TBC1D5: variants seen among roughly 807,000 people sequenced by gnomAD.
TBC1D5 encodes TBC1 domain family member 5, also known as TBC1 domain family, member 5.
TBC1D5 carries 75 observed loss-of-function variants against 100.3 expected under a neutral mutation model. The ratio of observed to expected loss-of-function variants is 0.75; its 90% confidence interval spans 0.62 to 0.91. The LOEUF (loss-of-function observed/expected upper bound fraction) is 0.91, where lower values mean the gene tolerates loss of function less well. Among genes scored for constraint, TBC1D5 ranks in the 40% least tolerant of loss-of-function variants. The pLI is 0.00. For synonymous variants in TBC1D5, 323 were observed against 325.6 expected, an observed-to-expected ratio of 0.99 and a Z score of 0.09; for missense variants, 910 against 942.4, an observed-to-expected ratio of 0.97 and a Z score of 0.45.
At chr3:17,443,587 T>C (rs754456640) in intron 3 of TBC1D5, among the ~76,000 whole-genome samples, 11 of 152,176 alleles carry the variant, frequency 7.2e-5, no homozygotes, top group Non-Finnish European at 1.6e-4. Context: ...TGTCCTCACT[T>C]TGGCTTACGT....
intron 1 of TBC1D5, among the ~76,000 whole-genome samples, chr3:17,727,729 G>T (rs781000254): frequency 7.9e-5 from 12 of 152,158 alleles, no homozygotes; most frequent in Non-Finnish European, 1.3e-4. Flanking sequence ...ACACAAATAG[G>T]TGAGTTATTT....
Position 17,483,096 on chromosome 3 carries a change from A to T in TBC1D5, c.97+25378T>A, listed in dbSNP as rs115388246. 1.6e-3 allele frequency among the ~76,000 whole-genome samples: 238 copies of T among 152,214 alleles called. 1 individual carries two copies. Among genetic ancestry groups the T allele is most frequent in the Non-Finnish European group, 2.4e-3 (163 of 68,006 alleles). On this transcript the variant is annotated intron_variant, in intron 3 of 21. Coordinates refer to ENST00000253692, the Ensembl canonical transcript of TBC1D5. ...TGGCAAAAAATTACCATGCATGTAA[A>T]TACTTCTTAGTGTTTCCATCGCTTG...
At chr3:17,527,010 T>C (rs1187826648) in intron 2 of TBC1D5, among the ~76,000 whole-genome samples, 2 of 152,204 alleles carry the variant, frequency 1.3e-5, no homozygotes, top group Non-Finnish European at 2.9e-5. Flanking sequence ...AATCCTCCCA[T>C]GTGCCAAAAG....
At chr3:17,468,993 A>G (rs1317767419) in intron 3 of TBC1D5, among the ~76,000 whole-genome samples, 2 of 152,318 alleles carry the variant, frequency 1.3e-5, no homozygotes, top group East Asian at 3.9e-4. Flanking sequence ...GAACCTGGAG[A>G]AGGGAATTAA....
intron 18 of TBC1D5, among the ~76,000 whole-genome samples, chr3:17,204,900 G>A (rs2733520): frequency 0.39 from 59,240 of 151,920 alleles, 12,251 homozygotes; most frequent in Middle Eastern, 0.5. Flanking sequence ...TACATGATTT[G>A]GGTGATGCAA....
At chr3:17,438,549 A>G (rs181321669) in intron 3 of TBC1D5, among the ~76,000 whole-genome samples, 83 of 152,280 alleles carry the variant, frequency 5.5e-4, no homozygotes, top group Middle Eastern at 6.8e-3. Context: ...CCATGTGAAG[A>G]AGGACATGTT....
At chr3:17,242,693 GGTTT>G (rs1204690486) in intron 16 of TBC1D5, among the ~76,000 whole-genome samples, 5 of 151,950 alleles carry the variant, frequency 3.3e-5, no homozygotes, top group African/African-American at 4.8e-5. Context: ...CAGATGGCTG[GGTTT>G]GTTTGAGTTT....
chr3:17,449,372 C>A (rs778779369), intron 3 of TBC1D5, among the ~76,000 whole-genome samples: 1 of 152,124 alleles, frequency 6.6e-6, no homozygotes, highest in Non-Finnish European at 1.5e-5. Flanking sequence ...ACCTGGAATG[C>A]CAGAGAGAGA....
intron 3 of TBC1D5, among the ~76,000 whole-genome samples, chr3:17,507,010 C>T (rs1032545090): frequency 3.9e-5 from 6 of 152,038 alleles, no homozygotes; most frequent in East Asian, 1.9e-4. Context: ...AACAAGACTC[C>T]GTCTCAAAAA....
chr3:17,207,626 T>C (rs1276053461), intron 18 of TBC1D5, among the ~76,000 whole-genome samples: 1 of 152,226 alleles, frequency 6.6e-6, no homozygotes, highest in Non-Finnish European at 1.5e-5. Flanking sequence ...TGATACTTCC[T>C]TTTTATCTAA....
chr3:17,461,343 T>C (rs1353456505), intron 3 of TBC1D5, among the ~76,000 whole-genome samples: 1 of 152,238 alleles, frequency 6.6e-6, no homozygotes, highest in Non-Finnish European at 1.5e-5. Flanking sequence ...TGTGTTCTTA[T>C]GTACATACTG....
intron 3 of TBC1D5, among the ~76,000 whole-genome samples, chr3:17,431,475 T>C (rs544237527): frequency 2.6e-5 from 4 of 152,118 alleles, no homozygotes; most frequent in East Asian, 1.9e-4. Context: ...TTATTGAGTA[T>C]ATTTTGAATA....
At chr3:17,342,747 A>G (rs2089203044) in intron 13 of TBC1D5, among the ~76,000 whole-genome samples, 1 of 152,208 alleles carries the variant, frequency 6.6e-6, no homozygotes, top group African/African-American at 2.4e-5. Flanking sequence ...TTTTATGCAC[A>G]TATAATATAT....
intron 2 of TBC1D5, among the ~76,000 whole-genome samples, chr3:17,607,056 G>A (rs536793057): frequency 2.0e-5 from 3 of 152,258 alleles, no homozygotes; most frequent in Middle Eastern, 6.8e-3. Flanking sequence ...ATTAAAATCA[G>A]TGATTTTCCA....
rs189704670 is a variant in TBC1D5 at position 17,671,655 on chromosome 3, A to C, written c.-100-47742T>G. Among the ~76,000 whole-genome samples the C allele has an allele frequency of 6.4e-4, 97 of 152,380 alleles. 1 individual carries two copies. Among genetic ancestry groups the C allele is most frequent in the African/African-American group, 2.3e-3 (94 of 41,600 alleles). Reference sequence around the variant, plus strand: ...ATTACAAACTCCTGTGAATTCAAAAATAGATGTGAAAATCAAAGAAATAAA... The same window carrying C: ...ATTACAAACTCCTGTGAATTCAAAACTAGATGTGAAAATCAAAGAAATAAA... On this transcript the variant is annotated intron_variant, in intron 1 of 21. Transcript: ENST00000253692.
chr3:17,655,586 T>G (rs1422423544), intron 1 of TBC1D5, among the ~76,000 whole-genome samples: 1 of 152,090 alleles, frequency 6.6e-6, no homozygotes, highest in Non-Finnish European at 1.5e-5. Flanking sequence ...ATCCTAATAA[T>G]GAGAAAACAA....
intron 2 of TBC1D5, among the ~76,000 whole-genome samples, chr3:17,602,884 ATTT>A (rs1212565426): frequency 6.6e-6 from 1 of 151,938 alleles, no homozygotes; most frequent in Non-Finnish European, 1.5e-5. Context: ...CGACAATCAG[ATTT>A]TTTAATGGCA....
At chr3:17,219,151 C>T (rs2073999277) in intron 17 of TBC1D5, among the ~76,000 whole-genome samples, 1 of 150,552 alleles carries the variant, frequency 6.6e-6, no homozygotes, top group Non-Finnish European at 1.5e-5. Context: ...GACATATATT[C>T]CAAGTTCTGA....
chr3:17,732,966 C>G (rs990811305), intron 1 of TBC1D5, among the ~76,000 whole-genome samples: 3 of 152,094 alleles, frequency 2.0e-5, no homozygotes, highest in Non-Finnish European at 4.4e-5. Flanking sequence ...GGAAACTGAT[C>G]AGGACCACTT....
Sources: allele counts gnomAD v4.1 joint callset (sites outside exome capture counted in the v4.1 genomes callset), GRCh38; gene constraint gnomAD v4.1.1; transcripts MANE v1.5; gene names NCBI Gene and HGNC (gene_info 2026-07-23, HGNC 2026-07-21).